KCNH7: variants seen among roughly 807,000 people sequenced by gnomAD.
KCNH7 encodes the protein voltage-gated inwardly rectifying potassium channel KCNH7.
KCNH7 carries 49 observed loss-of-function variants against 120.8 expected under a neutral mutation model. The ratio of observed to expected loss-of-function variants is 0.41; its 90% confidence interval spans 0.32 to 0.51. The LOEUF (loss-of-function observed/expected upper bound fraction) is 0.51. Ranked by LOEUF, KCNH7 falls within the 20% of genes least tolerant of loss-of-function variation. The pLI is 0.38. For synonymous variants in KCNH7, 547 were observed against 516.1 expected (o/e 1.06, Z -0.81); for missense variants, 1,097 against 1,446.6 (o/e 0.76, Z 3.92).
At chr2:162,377,683 A>T (rs1035377128) in intron 14 of KCNH7, among the ~76,000 whole-genome samples, 1 of 152,076 alleles carries the variant, frequency 6.6e-6, no homozygotes, top group African/African-American at 2.4e-5. Flanking sequence ...TCAGGCATAC[A>T]TCCCTCTCTT....
At chr2:162,698,426 C>T (rs562911954) in intron 2 of KCNH7, among the ~76,000 whole-genome samples, 181 of 139,720 alleles carry the variant, frequency 1.3e-3, no homozygotes, top group African/African-American at 5.4e-3. Flanking sequence ...CTTTAATCGC[C>T]GTCTTTATTT....
Position 162,373,660 on chromosome 2 carries a change from A to G in KCNH7, c.3134T>C (p.Leu1045Pro). 1 of 1,503,396 alleles carries G rather than the reference A, an allele frequency of 6.7e-7. No individual in the cohort carries two copies. Among genetic ancestry groups the G allele is most frequent in the Non-Finnish European group, 8.9e-7 (1 of 1,122,904 alleles). The allele number at this position is 1,503,396 out of a possible 1,614,324, so 93.1% of individuals were successfully genotyped here. ...GATGTCAGTGGTCATTTGGGATTCA[A>G]GCCTACAGAACAGACAGAAGTAGGA... ...LDLLQEQLNR[L>P]ESQMTTDIQT... Residue 1045 changes from leucine (L) to proline (P), a missense_variant and splice_region_variant, in exon 15 of 16, where the codon CTT becomes CCT. Leu to Pro is a moderately conservative substitution (Grantham distance 98, BLOSUM62 -3). Transcript: ENST00000332142.
At chr2:162,639,640 G>C (rs1377764338) in intron 2 of KCNH7, among the ~76,000 whole-genome samples, 1 of 152,110 alleles carries the variant, frequency 6.6e-6, no homozygotes, top group African/African-American at 2.4e-5. Flanking sequence ...CTGAAAGATT[G>C]AATGTCTTCC....
chr2:162,576,828 A>G (rs905859503), intron 2 of KCNH7, among the ~76,000 whole-genome samples: 2 of 152,072 alleles, frequency 1.3e-5, no homozygotes, highest in Admixed American at 6.6e-5. Context: ...TAGATCTGGT[A>G]GAACTATGAA....
intron 2 of KCNH7, among the ~76,000 whole-genome samples, chr2:162,642,447 A>T (rs888860933): frequency 6.6e-6 from 1 of 152,174 alleles, no homozygotes; most frequent in East Asian, 1.9e-4. Context: ...CCCTATTACA[A>T]GGTCTTATGT....
At chr2:162,613,130 T>C (rs911058636) in intron 2 of KCNH7, among the ~76,000 whole-genome samples, 14 of 151,934 alleles carry the variant, frequency 9.2e-5, no homozygotes, top group Non-Finnish European at 1.5e-4. Context: ...GGCTAATACA[T>C]TTCAATCAAG....
At chr2:162,560,280 T>TGTAA (rs1371760595) in intron 2 of KCNH7, among the ~76,000 whole-genome samples, 1 of 152,240 alleles carries the variant, frequency 6.6e-6, no homozygotes, top group African/African-American at 2.4e-5. Context: ...TTTTCCTGAA[T>TGTAA]GTAAGGCTCT....
At chr2:162,552,115 A>C (rs1031732258) in intron 2 of KCNH7, among the ~76,000 whole-genome samples, 1 of 152,202 alleles carries the variant, frequency 6.6e-6, no homozygotes, top group Non-Finnish European at 1.5e-5. Context: ...TACACTCATT[A>C]GACAATGATG....
intron 2 of KCNH7, among the ~76,000 whole-genome samples, chr2:162,722,870 T>A (rs543885249): frequency 7.0e-6 from 1 of 143,376 alleles, no homozygotes; most frequent in African/African-American, 2.7e-5. Context: ...TCTTCAAATT[T>A]GCTGACTTTT....
chr2:162,692,693 C>T (rs1396032728), intron 2 of KCNH7, among the ~76,000 whole-genome samples: 9 of 151,948 alleles, frequency 5.9e-5, no homozygotes. Context: ...TTTAGGTGAG[C>T]TGATAAGGGT....
intron 6 of KCNH7, among the ~76,000 whole-genome samples, chr2:162,487,456 A>G (rs1030687076): frequency 3.9e-5 from 6 of 151,950 alleles, no homozygotes; most frequent in African/African-American, 1.5e-4. Flanking sequence ...CCACTGATAT[A>G]TTTAATTTTG....
intron 2 of KCNH7, among the ~76,000 whole-genome samples, chr2:162,682,565 A>C (rs1685749367): frequency 6.6e-6 from 1 of 151,810 alleles, no homozygotes; most frequent in Non-Finnish European, 1.5e-5. Flanking sequence ...AGTGGCATTT[A>C]TTTATTTTTC....
At chr2:162,713,460 C>T (rs1376094491) in intron 2 of KCNH7, among the ~76,000 whole-genome samples, 1 of 151,992 alleles carries the variant, frequency 6.6e-6, no homozygotes, top group East Asian at 1.9e-4. Flanking sequence ...AAAAATGAGG[C>T]TTATGTTTAC....
At chr2:162,605,936 A>G (rs970503863) in intron 2 of KCNH7, among the ~76,000 whole-genome samples, 1 of 152,098 alleles carries the variant, frequency 6.6e-6, no homozygotes, top group African/African-American at 2.4e-5. Flanking sequence ...TACAAATAAG[A>G]TTCAGAATAA....
chr2:162,589,557 A>G (rs1171863393), intron 2 of KCNH7, among the ~76,000 whole-genome samples: 6 of 152,178 alleles, frequency 3.9e-5, no homozygotes, highest in African/African-American at 1.2e-4. Flanking sequence ...TAGAGCACAA[A>G]CTCTCACATG....
At chr2:162,726,156 C>T (rs533135183) in intron 2 of KCNH7, among the ~76,000 whole-genome samples, 28 of 152,248 alleles carry the variant, frequency 1.8e-4, no homozygotes, top group African/African-American at 5.8e-4. Context: ...GATCTATACA[C>T]TAAGCCTACC....
chr2:162,804,484 CAACAA>C (rs1390394554), intron 2 of KCNH7, among the ~76,000 whole-genome samples: 3 of 151,538 alleles, frequency 2.0e-5, no homozygotes, highest in Non-Finnish European at 3.0e-5. Context: ...ACGATAGCTG[CAACAA>C]AACAAAACAA....
chr2:162,473,096 A>G (rs1463530904), intron 6 of KCNH7, among the ~76,000 whole-genome samples: 2 of 152,120 alleles, frequency 1.3e-5, no homozygotes, highest in Non-Finnish European at 2.9e-5. Flanking sequence ...GGGGAGGGAT[A>G]GCATTAGGAG....
At chr2:162,675,914 G>T (rs561674595) in intron 2 of KCNH7, among the ~76,000 whole-genome samples, 1 of 151,548 alleles carries the variant, frequency 6.6e-6, no homozygotes, top group African/African-American at 2.4e-5. Flanking sequence ...AGAATTAATA[G>T]TGTATACAAA....
Sources: allele counts gnomAD v4.1 joint callset (sites outside exome capture counted in the v4.1 genomes callset), GRCh38; gene constraint gnomAD v4.1.1; transcripts MANE v1.5; gene names NCBI Gene and HGNC (gene_info 2026-07-23, HGNC 2026-07-21).